Variants in SYT16 observed in about 807,000 individuals in gnomAD.
SYT16 encodes the protein synaptotagmin-16.
In SYT16, 42 loss-of-function variants were observed where a neutral mutation model predicts 61.4. That is an observed-to-expected ratio of 0.68 (90% confidence interval 0.53 to 0.89). SYT16 has a LOEUF of 0.89. Among genes scored for constraint, SYT16 ranks in the 40% least tolerant of loss-of-function variants. The probability of loss-of-function intolerance (pLI) is 0.00; values close to 1 mark genes in which losing one functional copy is unlikely to be tolerated. For synonymous variants in SYT16, 314 were observed against 302.3 expected (o/e 1.04, Z -0.40); for missense variants, 804 against 807.3 (o/e 1.00, Z 0.05).
rs948843393 is a variant in SYT16 at position 62,111,239 on chromosome 14, TGAA to T, written c.*10536_*10538del. The T allele has an allele frequency of 1.6e-4, 25 of 152,072 alleles. No homozygotes were observed. Among genetic ancestry groups the T allele is most frequent in the African/African-American group, 5.8e-4 (24 of 41,438 alleles). The allele number at this position is 152,072 out of a possible 1,614,324, so 9.4% of individuals were successfully genotyped here. A position where few individuals can be genotyped will look rare whatever the true frequency, so the allele number is the denominator to read the frequency against. ...TATCTCAACTTTTGATGGGTGTCCT[TGAA>T]GAACTTTCATGAAAAAAATGTAAAT... On this transcript the variant is annotated 3_prime_UTR_variant, in exon 8 of 8. Coordinates refer to ENST00000683842, the MANE Select transcript of SYT16 (RefSeq NM_001367656.1).
chr14:62,039,652 G>C (rs2054638630), intron 3 of SYT16, among the ~76,000 whole-genome samples: 1 of 152,070 alleles, frequency 6.6e-6, no homozygotes, highest in Non-Finnish European at 1.5e-5. Context: ...ATTTATTGCA[G>C]GAATTCAGCA....
intron 3 of SYT16, among the ~76,000 whole-genome samples, chr14:62,034,178 T>C (rs578200323): frequency 3.3e-5 from 5 of 152,282 alleles, no homozygotes; most frequent in African/African-American, 1.2e-4. Context: ...CCAGCAAGGC[T>C]GTAATAAAAA....
chr14:62,020,006 T>C (rs1236514876), intron 3 of SYT16, among the ~76,000 whole-genome samples: 1 of 152,192 alleles, frequency 6.6e-6, no homozygotes, highest in East Asian at 1.9e-4. Context: ...AAAGAAATCC[T>C]TTCAGGTTTT....
chr14:61,850,879 G>C lies in SYT16; in HGVS notation c.-325+38069G>C, dbSNP rs1465722388. ...TGTGAAAACAGCAGTTACTCTGAAA[G>C]ATTATTATTATTTTTTCTTAAACTT... On this transcript the variant is annotated intron_variant, in intron 1 of 7. Transcript: ENST00000683842. 2.6e-5 allele frequency among the ~76,000 whole-genome samples: 4 copies of C among 152,124 alleles called. No individual in the cohort carries two copies. In the East Asian group the frequency reaches 7.7e-4, roughly 29 times the overall value.
At chr14:61,976,512 G>A (rs373716792) in intron 2 of SYT16, among the ~76,000 whole-genome samples, 9 of 152,282 alleles carry the variant, frequency 5.9e-5, no homozygotes, top group African/African-American at 2.2e-4. Flanking sequence ...AATCTAGGCA[G>A]AGGTTCCCAA....
chr14:62,060,871 C>G (rs74812457), intron 3 of SYT16, among the ~76,000 whole-genome samples: 2 of 152,028 alleles, frequency 1.3e-5, no homozygotes, highest in East Asian at 3.9e-4. Context: ...TCTTTCTCTT[C>G]TTTCTATAAG....
intron 3 of SYT16, among the ~76,000 whole-genome samples, chr14:62,031,659 A>G (rs773952004): frequency 6.2e-4 from 95 of 152,180 alleles, no homozygotes; most frequent in Non-Finnish European, 7.4e-4. Flanking sequence ...TGTAAACCAC[A>G]TGATTAGGTG....
intron 3 of SYT16, among the ~76,000 whole-genome samples, chr14:62,031,074 C>T (rs574807659): frequency 7.9e-5 from 12 of 152,252 alleles, no homozygotes; most frequent in African/African-American, 2.4e-4. Flanking sequence ...AGCTATACGA[C>T]ATAGACTTTC....
chr14:62,032,077 G>A (rs762653015), intron 3 of SYT16, among the ~76,000 whole-genome samples: 5 of 152,030 alleles, frequency 3.3e-5, no homozygotes, highest in African/African-American at 7.2e-5. Flanking sequence ...AAGGAAATTC[G>A]GTGGCTTGGA....
chr14:61,812,580 G>C (rs2045300569), upstream of SYT16: 1 of 150,754 alleles, frequency 6.6e-6, no homozygotes, highest in East Asian at 2.0e-4. Flanking sequence ...CTGCCCGGGA[G>C]GCTGGGCTCT....
rs774813822 is a variant in SYT16 at position 62,029,446 on chromosome 14, G to A, written c.523+32904G>A. Among the ~76,000 whole-genome samples, 130 of 152,304 alleles carry A rather than the reference G, an allele frequency of 8.5e-4. 4 individuals carry two copies. The highest frequency in any genetic ancestry group is 2.6e-4 in the Non-Finnish European group (18 of 68,036). On this transcript the variant is annotated intron_variant, in intron 3 of 7. Coordinates refer to ENST00000683842, the MANE Select transcript of SYT16 (RefSeq NM_001367656.1). ...CACTGCACCTGCTTGAGCGAATAGC[G>A]GTGCCCACTGGTGGTTTTCTGTTGA... is the stretch of plus-strand genomic sequence containing the variant.
intron 1 of SYT16, among the ~76,000 whole-genome samples, chr14:61,892,266 T>C (rs527829204): frequency 6.6e-6 from 1 of 152,154 alleles, no homozygotes; most frequent in East Asian, 1.9e-4. Context: ...CATTGCTTGC[T>C]AATCTCTCTT....
At chr14:61,865,164 T>G in intron 1 of SYT16, 1 of 1,223,850 alleles carries the variant, frequency 8.2e-7, no homozygotes. Context: ...CTGCAGTTAC[T>G]GGGCCCAGAG....
At chr14:62,071,208 C>G (rs942228845) in intron 4 of SYT16, among the ~76,000 whole-genome samples, 1 of 152,218 alleles carries the variant, frequency 6.6e-6, no homozygotes, top group Non-Finnish European at 1.5e-5. Flanking sequence ...TGTTACATCA[C>G]AGCATTCCTT....
chr14:61,859,830 G>T (rs1398153381), intron 1 of SYT16, among the ~76,000 whole-genome samples: 1 of 152,092 alleles, frequency 6.6e-6, no homozygotes, highest in Non-Finnish European at 1.5e-5. Context: ...GCAACACATT[G>T]ACTCCCTAAA....
At chr14:62,060,931 A>G (rs1223625331) in intron 3 of SYT16, among the ~76,000 whole-genome samples, 1 of 152,024 alleles carries the variant, frequency 6.6e-6, no homozygotes, top group Non-Finnish European at 1.5e-5. Flanking sequence ...TCTATATCCC[A>G]AAACTGCAGA....
chr14:61,971,582 T>C (rs932041535), intron 2 of SYT16, among the ~76,000 whole-genome samples: 1 of 152,230 alleles, frequency 6.6e-6, no homozygotes, highest in African/African-American at 2.4e-5. Context: ...AGTCTTACAA[T>C]GTCACTTTTA....
chr14:62,109,632 T>G lies in SYT16; in HGVS notation c.*8925T>G, dbSNP rs2057572585. On this transcript the variant is annotated 3_prime_UTR_variant, in exon 8 of 8. Transcript: ENST00000683842. ...TAATTTATATTACCCTATCTATGAG[T>G]TTTTCCCTCCATTGGAATCTAAACA... 1 of 152,008 alleles carries G rather than the reference T, an allele frequency of 6.6e-6. No individual in the cohort carries two copies. The highest frequency in any genetic ancestry group is 2.4e-5 in the African/African-American group (1 of 41,388). 9.4% of individuals were successfully genotyped at this position (152,008 alleles called of 1,614,324 possible). A position where few individuals can be genotyped will look rare whatever the true frequency, so the allele number is the denominator to read the frequency against.
chr14:62,080,727 C>A, intron 5 of SYT16, 107 bp from the exon 6 acceptor site: 1 of 1,085,902 alleles, frequency 9.2e-7, no homozygotes, highest in Non-Finnish European at 1.3e-6. Context: ...AATACACTGG[C>A]AGTTAGAAAG....
Sources: gnomAD v4.1 joint callset for allele counts (sites outside exome capture counted in the v4.1 genomes callset) on GRCh38, gnomAD v4.1.1 for gene constraint, MANE v1.5 for transcripts, NCBI Gene and HGNC (gene_info 2026-07-23, HGNC 2026-07-21) for gene names.